The following TMEM135 variants were observed in gnomAD, a reference collection of about 807,000 sequenced individuals.
The protein encoded by TMEM135 is transmembrane protein 135.
In TMEM135, 30 loss-of-function variants were observed where a neutral mutation model predicts 60.3. The observed-to-expected ratio is 0.50, with a 90% CI of 0.37 to 0.68. The LOEUF (loss-of-function observed/expected upper bound fraction) is 0.68, where lower values mean the gene tolerates loss of function less well. Ranked by LOEUF, TMEM135 falls within the 30% of genes least tolerant of loss-of-function variation. TMEM135 has a pLI of 0.00. For missense variants in TMEM135, 468 were observed against 548.8 expected, an observed-to-expected ratio of 0.85 and a Z score of 1.47; for synonymous variants, 190 against 186.7, an observed-to-expected ratio of 1.02 and a Z score of -0.14.
intron 5 of TMEM135, among the ~76,000 whole-genome samples, chr11:87,175,913 T>C (rs1043916022): frequency 5.3e-5 from 8 of 152,172 alleles, no homozygotes; most frequent in Non-Finnish European, 1.2e-4. Flanking sequence ...TTGCATATAA[T>C]ATTAGGTGAG....
intron 3 of TMEM135, among the ~76,000 whole-genome samples, chr11:87,083,172 C>T (rs34031350): frequency 1.8e-4 from 27 of 152,232 alleles, no homozygotes; most frequent in African/African-American, 6.5e-4. Context: ...AAATCTTAAT[C>T]GCATCATTGT....
intron 5 of TMEM135, among the ~76,000 whole-genome samples, chr11:87,169,235 T>C (rs931756951): frequency 6.7e-6 from 1 of 148,974 alleles, no homozygotes; most frequent in African/African-American, 2.5e-5. Context: ...AGCACACTGA[T>C]GGGTCTTGAC....
intron 5 of TMEM135, among the ~76,000 whole-genome samples, chr11:87,214,351 C>G (rs1306979383): frequency 1.3e-5 from 2 of 152,150 alleles, no homozygotes; most frequent in African/African-American, 2.4e-5. Context: ...TCCATGTACT[C>G]AATCAGTCTT....
At chr11:87,063,737 A>G (rs1261651116) in intron 1 of TMEM135, among the ~76,000 whole-genome samples, 1 of 152,226 alleles carries the variant, frequency 6.6e-6, no homozygotes, top group Non-Finnish European at 1.5e-5. Context: ...GTTACAGCAC[A>G]GTGATGATAA....
chr11:87,215,488 T>C (rs1011870825), intron 5 of TMEM135, among the ~76,000 whole-genome samples: 5 of 152,176 alleles, frequency 3.3e-5, no homozygotes, highest in African/African-American at 4.8e-5. Flanking sequence ...ACCTGTTAAG[T>C]TGGTCATCGG....
intron 5 of TMEM135, among the ~76,000 whole-genome samples, chr11:87,211,391 C>T (rs1165891195): frequency 6.6e-6 from 1 of 152,102 alleles, no homozygotes; most frequent in Non-Finnish European, 1.5e-5. Flanking sequence ...TCTTATATTG[C>T]ATCCTATTGT....
At chr11:87,053,580 G>A (rs1949862798) in intron 1 of TMEM135, among the ~76,000 whole-genome samples, 1 of 150,998 alleles carries the variant, frequency 6.6e-6, no homozygotes, top group Non-Finnish European at 1.5e-5. Flanking sequence ...TTTTTAAAAT[G>A]TCAGTACAAT....
intron 5 of TMEM135, among the ~76,000 whole-genome samples, chr11:87,211,105 T>C (rs1312724497): frequency 6.6e-6 from 1 of 152,182 alleles, no homozygotes; most frequent in Non-Finnish European, 1.5e-5. Context: ...ATACCTACTC[T>C]TACCGCTCCT....
chr11:87,102,249 T>C (rs1008158242), intron 4 of TMEM135, among the ~76,000 whole-genome samples: 11 of 152,168 alleles, frequency 7.2e-5, no homozygotes, highest in African/African-American at 2.4e-4. Context: ...CAGCTATAAA[T>C]TGGAGTTCCC....
chr11:87,110,914 A>G (rs961455702), intron 4 of TMEM135, among the ~76,000 whole-genome samples: 1 of 152,170 alleles, frequency 6.6e-6, no homozygotes, highest in African/African-American at 2.4e-5. Flanking sequence ...ATAATATGTG[A>G]TTAGTTTCCC....
intron 3 of TMEM135, among the ~76,000 whole-genome samples, chr11:87,083,103 G>C (rs992821422): frequency 6.6e-6 from 1 of 151,858 alleles, no homozygotes; most frequent in African/African-American, 2.4e-5. Flanking sequence ...TCCCTTTCTA[G>C]TAGTATTAAG....
chr11:87,130,164 GCA>G (rs1372635694), intron 4 of TMEM135, among the ~76,000 whole-genome samples: 2 of 112,948 alleles, frequency 1.8e-5, no homozygotes, highest in East Asian at 3.5e-4. Context: ...ACCAGTTCCA[GCA>G]TTTTTTTTTT....
intron 2 of TMEM135, among the ~76,000 whole-genome samples, chr11:87,069,758 T>C (rs1359859569): frequency 1.3e-5 from 2 of 152,246 alleles, no homozygotes; most frequent in South Asian, 2.1e-4. Flanking sequence ...TTAAGTCCTT[T>C]ATGGATTTTA....
chr11:87,249,192 G>C (rs552579), intron 6 of TMEM135, among the ~76,000 whole-genome samples: 100,159 of 151,944 alleles, frequency 0.66, 33,585 homozygotes, highest in Non-Finnish European at 0.71. Context: ...AAGGCTTTCA[G>C]TTTTTTCTCA....
intron 6 of TMEM135, among the ~76,000 whole-genome samples, chr11:87,251,601 TTA>T (rs36048946): frequency 0.66 from 99,533 of 151,302 alleles, 33,311 homozygotes; most frequent in Non-Finnish European, 0.71. Flanking sequence ...TATATTATGA[TTA>T]TGTTACCATA....
chr11:87,058,026 A>G (rs779694773), intron 1 of TMEM135, among the ~76,000 whole-genome samples: 1 of 152,202 alleles, frequency 6.6e-6, no homozygotes, highest in Non-Finnish European at 1.5e-5. Context: ...TGTTTCAGTC[A>G]GGTCTGAAGG....
intron 5 of TMEM135, among the ~76,000 whole-genome samples, chr11:87,232,315 A>G (rs1940907184): frequency 1.3e-5 from 2 of 152,178 alleles, no homozygotes; most frequent in African/African-American, 2.4e-5. Context: ...TGGGTAACCT[A>G]TTCATGTAGT....
intron 4 of TMEM135, among the ~76,000 whole-genome samples, chr11:87,148,744 T>C (rs930574271): frequency 4.6e-5 from 7 of 152,124 alleles, no homozygotes; most frequent in African/African-American, 1.7e-4. Flanking sequence ...AATAATAGAA[T>C]AAATACAAGA....
intron 5 of TMEM135, among the ~76,000 whole-genome samples, chr11:87,204,903 T>C (rs143347443): frequency 6.6e-6 from 1 of 152,172 alleles, no homozygotes; most frequent in Non-Finnish European, 1.5e-5. Context: ...TTTTCTTTAA[T>C]TATTTCTTCT....
Sources: gnomAD v4.1 joint callset for allele counts (sites outside exome capture counted in the v4.1 genomes callset) on GRCh38, gnomAD v4.1.1 for gene constraint, MANE v1.5 for transcripts, NCBI Gene and HGNC (gene_info 2026-07-23, HGNC 2026-07-21) for gene names.